The following MS4A4A variants were observed in gnomAD, a reference collection of about 807,000 sequenced individuals.
MS4A4A encodes membrane-spanning 4-domains subfamily A member 4A.
A neutral mutation model predicts 28.0 loss-of-function variants in MS4A4A; 26 were observed. The ratio of observed to expected loss-of-function variants is 0.93; its 90% CI spans 0.68 to 1.29. The LOEUF (loss-of-function observed/expected upper bound fraction) is 1.29, where lower values mean the gene tolerates loss of function less well. Among genes scored for constraint, MS4A4A ranks in the 50% most tolerant of loss-of-function variants. MS4A4A has a pLI of 0.00. For synonymous variants in MS4A4A, 86 were observed against 100.8 expected, an observed-to-expected ratio of 0.85 and a Z score of 0.88; for missense variants, 290 against 293.1, an observed-to-expected ratio of 0.99 and a Z score of 0.08.
chr11:60,283,416 T>G (rs748937550), intron 1 of MS4A4A, among the ~76,000 whole-genome samples: 3 of 152,168 alleles, frequency 2.0e-5, no homozygotes, highest in Non-Finnish European at 2.9e-5. Flanking sequence ...TGCTGGACCT[T>G]CCACCAAGAA....
At chr11:60,305,412 A>G (rs371469083) in intron 5 of MS4A4A, among the ~76,000 whole-genome samples, 1 of 152,246 alleles carries the variant, frequency 6.6e-6, no homozygotes, top group South Asian at 2.1e-4. Context: ...CTTAGGCAAC[A>G]AAAAGTTTTA....
At chr11:60,293,925 A>G (rs760817695) in intron 2 of MS4A4A, among the ~76,000 whole-genome samples, 6 of 152,236 alleles carry the variant, frequency 3.9e-5, no homozygotes, top group Non-Finnish European at 5.9e-5. Context: ...ACATTGCTAT[A>G]AATATCTGTG....
At chr11:60,304,996 C>T (rs1053298908) in intron 5 of MS4A4A, among the ~76,000 whole-genome samples, 2 of 152,226 alleles carry the variant, frequency 1.3e-5, no homozygotes, top group Non-Finnish European at 2.9e-5. Flanking sequence ...AAGTCTGCCT[C>T]ACTCATATCC....
chr11:60,302,788 C>A, intron 5 of MS4A4A, 71 bp downstream of exon 5: 1 of 1,384,764 alleles, frequency 7.2e-7, no homozygotes, highest in Non-Finnish European at 1.0e-6. Context: ...CTGGCAAAGA[C>A]AATAATTAAT....
chr11:60,282,864 G>A (rs2084767596), intron 1 of MS4A4A: 2 of 675,010 alleles, frequency 3.0e-6, no homozygotes, highest in Non-Finnish European at 4.1e-6. Flanking sequence ...TGACTCAATT[G>A]TTTTTGTATT....
At chr11:60,307,355 G>A (rs2085012535) in intron 6 of MS4A4A, among the ~76,000 whole-genome samples, 1 of 152,092 alleles carries the variant, frequency 6.6e-6, no homozygotes, top group South Asian at 2.1e-4. Context: ...CTAATAGTGG[G>A]TTTTTGCATT....
intron 1 of MS4A4A, among the ~76,000 whole-genome samples, chr11:60,284,953 G>A (rs1406325042): frequency 2.6e-5 from 4 of 152,174 alleles, no homozygotes; most frequent in Non-Finnish European, 4.4e-5. Flanking sequence ...TGCCCCAGAA[G>A]GGAGAAGAGG....
chr11:60,292,269 C>A lies in MS4A4A; in HGVS notation c.86C>A (p.Ala29Asp). The change falls in exon 2 of 7, where the codon GCC (alanine) becomes GAC (aspartate). Residue 29 changes from alanine (A) to aspartate (D), a missense_variant. Ala to Asp is a moderately radical substitution (Grantham distance 126). Transcript: ENST00000337908. The part of the protein sequence containing the change: ...AMTTMQGMEQ[A>D]MPGAGPGVPQ... ...ACAACCATGCAAGGAATGGAACAGG[C>A]CATGCCAGGGGCTGGCCCTGGTGTG... 1 of 1,603,482 alleles carries A rather than the reference C, an allele frequency of 6.2e-7. No homozygotes were observed. Among genetic ancestry groups the A allele is most frequent in the Non-Finnish European group, 8.5e-7 (1 of 1,175,586 alleles).
At chr11:60,287,702 A>C (rs982330584) in intron 1 of MS4A4A, among the ~76,000 whole-genome samples, 1 of 152,204 alleles carries the variant, frequency 6.6e-6, no homozygotes, top group Non-Finnish European at 1.5e-5. Context: ...GATGAGACTC[A>C]AGGTATGATT....
At chr11:60,295,250 A>G (rs2084895660) in intron 2 of MS4A4A, among the ~76,000 whole-genome samples, 1 of 151,980 alleles carries the variant, frequency 6.6e-6, no homozygotes, top group African/African-American at 2.4e-5. Flanking sequence ...TAGAGGTGCT[A>G]ATTTAAATGG....
At chr11:60,280,940 T>C (rs957800595) in intron 1 of MS4A4A, among the ~76,000 whole-genome samples, 1 of 152,180 alleles carries the variant, frequency 6.6e-6, no homozygotes, top group African/African-American at 2.4e-5. Flanking sequence ...AAAAGCCTCC[T>C]AAAGGCTGAC....
chr11:60,281,966 G>A (rs1241882456), intron 1 of MS4A4A, among the ~76,000 whole-genome samples: 3 of 152,120 alleles, frequency 2.0e-5, no homozygotes, highest in African/African-American at 7.2e-5. Context: ...AGCCCTGGAT[G>A]GTAAACACGT....
chr11:60,292,287 C>G lies in MS4A4A; in HGVS notation c.104C>G (p.Pro35Arg). Residue 35 changes from proline to arginine, a missense_variant, in exon 2 of 7, where the codon CCT becomes CGT. Physicochemically the swap from Pro to Arg is moderately radical, Grantham distance 103. Coordinates refer to ENST00000337908, the MANE Select transcript of MS4A4A (RefSeq NM_148975.3). ...GAACAGGCCATGCCAGGGGCTGGCC[C>G]TGGTGTGCCCCAGCTGGGAAACATG... ...GMEQAMPGAG[P>R]GVPQLGNMAV... The G allele has an allele frequency of 6.2e-7, 1 of 1,607,502 alleles. No individual in the cohort carries two copies.
intron 1 of MS4A4A, among the ~76,000 whole-genome samples, chr11:60,284,065 A>G (rs1211382170): frequency 6.6e-6 from 1 of 152,210 alleles, no homozygotes; most frequent in Non-Finnish European, 1.5e-5. Context: ...CAAACAAGAG[A>G]TCTTCCATTC....
intron 5 of MS4A4A, among the ~76,000 whole-genome samples, chr11:60,304,151 C>T (rs1254642527): frequency 2.0e-5 from 3 of 152,080 alleles, no homozygotes; most frequent in African/African-American, 7.2e-5. Context: ...TCTCTAATTC[C>T]CCTATTATTT....
At position 60,307,963 on chromosome 11, in the gene MS4A4A, C is replaced by T. The variant is rs992083434; in HGVS notation, c.649-144C>T. 8 of 748,456 alleles carry T rather than the reference C, an allele frequency of 1.1e-5. No homozygotes were observed. The African/African-American group carries it at 1.2e-4, about 11-fold the overall frequency. The allele number at this position is 748,456 out of a possible 1,614,324, so 46.4% of individuals were successfully genotyped here. A position where few individuals can be genotyped will look rare whatever the true frequency, so the allele number is the denominator to read the frequency against. The stretch of plus-strand genomic sequence containing the variant: ...AAATCAGGCCTGATCAAGAGAGTGA[C>T]TGAGAAACCCCACATACTTGATCTT... On this transcript the variant is annotated intron_variant, in intron 6 of 6. Coordinates refer to ENST00000337908, the MANE Select transcript of MS4A4A (RefSeq NM_148975.3).
intron 2 of MS4A4A, chr11:60,296,828 A>G: frequency 3.7e-6 from 1 of 270,608 alleles, no homozygotes; most frequent in Non-Finnish European, 7.1e-6. Context: ...TCCTTTCTTC[A>G]GGTTACTTCT....
intron 6 of MS4A4A, among the ~76,000 whole-genome samples, chr11:60,306,753 C>T (rs78926217): frequency 0.037 from 5,578 of 152,276 alleles, 155 homozygotes; most frequent in East Asian, 0.14. Context: ...CTTTCTCCCT[C>T]GAAGTGCATA....
At chr11:60,306,298 TTA>T in intron 6 of MS4A4A, 97 bp downstream of exon 6, 1 of 983,738 alleles carries the variant, frequency 1.0e-6, no homozygotes, top group Non-Finnish European at 1.6e-6. Flanking sequence ...AACACATTCA[TTA>T]TCTCTCAGTT....
Sources: gnomAD v4.1 joint callset for allele counts (sites outside exome capture counted in the v4.1 genomes callset) on GRCh38, gnomAD v4.1.1 for gene constraint, MANE v1.5 for transcripts, NCBI Gene and HGNC (gene_info 2026-07-23, HGNC 2026-07-21) for gene names.